The following NDEL1 variants were observed in gnomAD, a reference collection of about 807,000 sequenced individuals.
NDEL1 encodes the protein nuclear distribution protein nudE-like 1.
A neutral mutation model predicts 45.7 loss-of-function variants in NDEL1; 9 were observed. That is an observed-to-expected ratio of 0.20 (90% confidence interval 0.12 to 0.34). The LOEUF (loss-of-function observed/expected upper bound fraction) is 0.34. Among genes scored for constraint, NDEL1 ranks in the 10% least tolerant of loss-of-function variants. The probability of loss-of-function intolerance (pLI) is 1.00; values close to 1 mark genes in which losing one functional copy is unlikely to be tolerated. For synonymous variants in NDEL1, 133 were observed against 158.6 expected, an observed-to-expected ratio of 0.84 and a Z score of 1.21; for missense variants, 306 against 406.2, an observed-to-expected ratio of 0.75 and a Z score of 2.12.
chr17:8,420,820 G>A (rs1249808931), intron 1 of NDEL1, among the ~76,000 whole-genome samples: 5 of 152,204 alleles, frequency 3.3e-5, no homozygotes, highest in East Asian at 3.8e-4. Context: ...AAAAGCTGAC[G>A]TACTTTGAAG....
Position 8,466,974 on chromosome 17 carries a change from G to GA in NDEL1, c.989_990insA (p.Ser331LeufsTer19). 6.2e-7 allele frequency: 1 copy of GA among 1,614,148 alleles called. No homozygotes were observed. Among genetic ancestry groups the GA allele is most frequent in the Non-Finnish European group, 8.5e-7 (1 of 1,180,022 alleles). On this transcript the variant is annotated frameshift_variant, in exon 9 of 9. Transcript: ENST00000334527. LOFTEE classifies it high-confidence loss of function. Reference sequence around the variant, plus strand: ...CCCGCTCCTCCTCCTCCTGGTCTGGGCTCCTCGCGTCCATCGTCAGCGCCG... The same window carrying GA: ...CCCGCTCCTCCTCCTCCTGGTCTGGGACTCCTCGCGTCCATCGTCAGCGCCG...
chr17:8,425,585 A>AAAAAAAAAATC (rs1908811647), intron 1 of NDEL1, among the ~76,000 whole-genome samples: 1 of 147,712 alleles, frequency 6.8e-6, no homozygotes, highest in African/African-American at 2.7e-5. Context: ...TTGTCTCAAA[A>AAAAAAAAAATC]AAAAAAAAAA....
chr17:8,436,281 G>A, intron 1 of NDEL1: 1 of 180,144 alleles, frequency 5.6e-6, no homozygotes, highest in Non-Finnish European at 1.2e-5. Context: ...GAACGATTCC[G>A]GTGGCCTCCG....
At chr17:8,460,279 TATC>T (rs1259304879) in intron 8 of NDEL1, 119 bp downstream of exon 8, 3 of 1,095,222 alleles carry the variant, frequency 2.7e-6, no homozygotes, top group South Asian at 1.6e-5. Flanking sequence ...CGAAGCCTGT[TATC>T]ATTCTAATCT....
Position 8,448,597 on chromosome 17 carries a change from C to T in NDEL1, c.437C>T (p.Ala146Val), listed in dbSNP as rs202003482. The T allele has an allele frequency of 5.5e-5, 88 of 1,613,938 alleles. No individual in the cohort carries two copies. The highest frequency in any genetic ancestry group is 7.0e-5 in the Non-Finnish European group (83 of 1,179,980). Reference protein sequence around the residue: ...LEDFEQRLNQAIERNAFLESE... With the variant: ...LEDFEQRLNQVIERNAFLESE... Reference sequence around the variant, plus strand: ...GACTTTGAACAAAGGCTAAACCAGGCCATTGAACGAAATGCATTTTTAGAA... The same window carrying T: ...GACTTTGAACAAAGGCTAAACCAGGTCATTGAACGAAATGCATTTTTAGAA... Residue 146 changes from alanine (A) to valine (V), a missense_variant, in exon 5 of 9, where the codon GCC (alanine) becomes GTC (valine). This residue lies in a region of NDEL1 where 19 missense variants were observed against 52.7 expected (regional missense o/e 0.36). Coordinates refer to ENST00000334527, the MANE Select transcript of NDEL1 (RefSeq NM_030808.5).
downstream of NDEL1, among the ~76,000 whole-genome samples, chr17:8,470,085 C>T (rs1159449895): frequency 1.3e-5 from 2 of 152,040 alleles, no homozygotes; most frequent in Non-Finnish European, 2.9e-5. This position sits in a 1 kb window ranked among gnomAD's most constrained non-coding sequence, Gnocchi z 4.2. Context: ...CTCCCTGGCT[C>T]ATCTCCCGCT....
chr17:8,414,434 A>T (rs8081022), intron 1 of NDEL1, among the ~76,000 whole-genome samples: 1 of 151,916 alleles, frequency 6.6e-6, no homozygotes, highest in Non-Finnish European at 1.5e-5. Flanking sequence ...TTGGGAGGCC[A>T]AGGCTGGCGG....
chr17:8,448,437 G>A, intron 4 of NDEL1, 113 bp from the exon 5 acceptor site: 1 of 1,132,464 alleles, frequency 8.8e-7, no homozygotes, highest in Non-Finnish European at 1.2e-6. Context: ...CTTTGATTGG[G>A]GCCAGGCTGG....
intron 4 of NDEL1, among the ~76,000 whole-genome samples, chr17:8,447,398 C>T (rs1475126971): frequency 6.6e-6 from 1 of 152,232 alleles, no homozygotes; most frequent in Non-Finnish European, 1.5e-5. Flanking sequence ...CCACCTTGGC[C>T]TCCCAAAGTG....
chr17:8,457,565 G>T (rs1356562250), intron 7 of NDEL1, among the ~76,000 whole-genome samples: 2 of 152,140 alleles, frequency 1.3e-5, no homozygotes, highest in Admixed American at 1.3e-4. Context: ...CTCTTTACAC[G>T]ACTTTGTCCA....
At chr17:8,424,907 G>A (rs549230594) in intron 1 of NDEL1, among the ~76,000 whole-genome samples, 121 of 152,178 alleles carry the variant, frequency 8.0e-4, no homozygotes, top group African/African-American at 2.7e-3. Context: ...GGGCTCAAGC[G>A]GTCCTCTTGC....
intron 1 of NDEL1, among the ~76,000 whole-genome samples, chr17:8,426,368 C>T (rs1874916): frequency 0.7 from 106,464 of 152,014 alleles, 37,850 homozygotes; most frequent in Middle Eastern, 0.8. Flanking sequence ...TTTTCAGCCC[C>T]GTCATTTCAT....
intron 1 of NDEL1, among the ~76,000 whole-genome samples, chr17:8,437,361 A>G (rs1909421064): frequency 6.6e-6 from 1 of 152,192 alleles, no homozygotes; most frequent in Non-Finnish European, 1.5e-5. Context: ...GATTTTTTTA[A>G]ATTAAATAAA....
chr17:8,452,905 A>G (rs1048049622), intron 6 of NDEL1, among the ~76,000 whole-genome samples: 1 of 151,626 alleles, frequency 6.6e-6, no homozygotes, highest in African/African-American at 2.4e-5. Flanking sequence ...ACACCCAGCT[A>G]ATTTTGTATT....
rs34423110 is a variant in NDEL1, at chr17:8,440,513, CAA to C, written c.-12-3729_-12-3728del. ...TGGGCAACAGAGTGAGACTCCATCT[CAA>C]AAAAAAAAAAAAAAAAAGAATGTGT... On this transcript the variant is annotated intron_variant, in intron 1 of 8. Transcript: ENST00000334527. 4.8e-3 allele frequency among the ~76,000 whole-genome samples: 665 copies of C among 137,650 alleles called. 3 individuals are homozygous for C. The highest frequency in any genetic ancestry group is 6.0e-3 in the African/African-American group (222 of 37,022). 90.3% of individuals were successfully genotyped at this position (137,650 alleles called of 152,430 possible).
upstream of NDEL1, among the ~76,000 whole-genome samples, chr17:8,435,309 C>T (rs1342233322): frequency 1.3e-5 from 2 of 152,144 alleles, no homozygotes; most frequent in Non-Finnish European, 2.9e-5. Flanking sequence ...AATATTTGAG[C>T]GTCCACTTTG....
Position 8,467,076 on chromosome 17 carries a change from C to A in NDEL1, c.*53C>A. 6.4e-7 allele frequency: 1 copy of A among 1,560,664 alleles called. No homozygotes were observed. The highest frequency in any genetic ancestry group is 8.8e-7 in the Non-Finnish European group (1 of 1,134,362). ...GCCCTCCTCCAACAACCCAGGACAC[C>A]CACGCCTCACCCCTCGGTGCCTGGG... On this transcript the variant is annotated 3_prime_UTR_variant, in exon 9 of 9. Coordinates refer to ENST00000334527, the MANE Select transcript of NDEL1 (RefSeq NM_030808.5). The surrounding 1 kb of genome is among the most constrained non-coding windows in gnomAD (Gnocchi z 6.3).
intron 4 of NDEL1, among the ~76,000 whole-genome samples, chr17:8,447,982 C>CGGGGGGGGGGGAGGGGGGG (rs34891973): frequency 1.9e-5 from 2 of 107,710 alleles, no homozygotes; most frequent in Non-Finnish European, 3.9e-5. Flanking sequence ...GGGAGGTGGG[C>CGGGGGGGGGGGAGGGGGGG]GGGGGGGGGG....
chr17:8,417,794 C>T (rs924378004), intron 1 of NDEL1, among the ~76,000 whole-genome samples: 1 of 152,226 alleles, frequency 6.6e-6, no homozygotes, highest in African/African-American at 2.4e-5. Flanking sequence ...AGTGACTTAA[C>T]CCTGCCCTCG....
Sources: gnomAD v4.1 joint callset for allele counts (sites outside exome capture counted in the v4.1 genomes callset) on GRCh38, gnomAD v4.1.1 for gene constraint, gnomAD v4.1.1 regional missense constraint, Gnocchi (gnomAD v3.1) non-coding constraint, MANE v1.5 for transcripts, NCBI Gene and HGNC (gene_info 2026-07-23, HGNC 2026-07-21) for gene names.